Variants in ATP11A observed in about 807,000 individuals in gnomAD.
ATP11A encodes ATPase phospholipid transporting 11A.
ATP11A carries 81 observed loss-of-function variants against 154.4 expected under a neutral mutation model. That is an observed-to-expected ratio of 0.52 (90% CI 0.44 to 0.63). The LOEUF (loss-of-function observed/expected upper bound fraction) is 0.63, where lower values mean the gene tolerates loss of function less well. Ranked by LOEUF, ATP11A falls within the 30% of genes least tolerant of loss-of-function variation. The pLI, the probability that ATP11A is intolerant of heterozygous loss-of-function variation, is 0.00. For synonymous variants in ATP11A, 623 were observed against 585.9 expected (o/e 1.06, Z -0.91); for missense variants, 1,316 against 1,474.3 (o/e 0.89, Z 1.76).
At chr13:112,832,635 G>A (rs773080544) in intron 13 of ATP11A, among the ~76,000 whole-genome samples, 7 of 152,202 alleles carry the variant, frequency 4.6e-5, no homozygotes, top group East Asian at 3.9e-4. Flanking sequence ...ACGCACGCCC[G>A]TTTAGCCTTC....
rs1375302746 is a variant in ATP11A at position 112,865,194 on chromosome 13, G to A, written c.2991+2619G>A. On this transcript the variant is annotated intron_variant, in intron 25 of 29. Transcript: ENST00000375645. ...CCCAGCGGGGTCCATCACCACCTGC[G>A]CAGTAATTCAGTGCAGCACGTGCAG... Among the ~76,000 whole-genome samples the A allele has an allele frequency of 1.4e-4, 14 of 102,228 alleles. 1 individual carries two copies. The highest frequency in any genetic ancestry group is 5.0e-4 in the African/African-American group (13 of 25,884). 67.1% of individuals were successfully genotyped at this position (102,228 alleles called of 152,430 possible). A position where few individuals can be genotyped will look rare whatever the true frequency, so the allele number is the denominator to read the frequency against.
intron 5 of ATP11A, among the ~76,000 whole-genome samples, chr13:112,813,345 A>G (rs2078556510): frequency 6.6e-6 from 1 of 152,218 alleles, no homozygotes; most frequent in Admixed American, 6.5e-5. Context: ...TCTCAAGGAT[A>G]TGATATAAAG....
intron 1 of ATP11A, among the ~76,000 whole-genome samples, chr13:112,744,446 A>C (rs1248019810): frequency 2.6e-5 from 4 of 152,226 alleles, no homozygotes; most frequent in African/African-American, 7.2e-5. Context: ...TGGCGATTTC[A>C]GGGATGCTTA....
At chr13:112,818,325 G>A (rs1481543205) in intron 6 of ATP11A, among the ~76,000 whole-genome samples, 1 of 151,432 alleles carries the variant, frequency 6.6e-6, no homozygotes, top group Non-Finnish European at 1.5e-5. Context: ...TGACGGGGCG[G>A]TGACCGTTGG....
At chr13:112,751,714 T>C (rs2076696087) in intron 1 of ATP11A, among the ~76,000 whole-genome samples, 1 of 149,484 alleles carries the variant, frequency 6.7e-6, no homozygotes. Context: ...TTGACTGATA[T>C]GCATACTGCA....
intron 25 of ATP11A, among the ~76,000 whole-genome samples, chr13:112,864,493 G>A (rs1382789403): frequency 5.9e-5 from 5 of 84,990 alleles, no homozygotes; most frequent in African/African-American, 1.8e-4. Context: ...CACATGCACA[G>A]TAATTCAGTG....
chr13:112,816,128 G>A lies in ATP11A; in HGVS notation c.487G>A (p.Asp163Asn). Residue 163 changes from aspartate (D) to asparagine (N), a missense_variant, in exon 6 of 30, where the codon GAC becomes AAC. Physicochemically the swap from Asp to Asn is conservative, Grantham distance 23 (BLOSUM62 1). Around this residue, in one of 5 missense-constraint regions of ATP11A, gnomAD observed 876 missense variants for 1,006.8 expected, o/e 0.87. Transcript: ENST00000375645. ...TAAGGAGGACGAGACCTTTCCCTGC[G>A]ACTTGATCTTCCTTTCCAGCAACCG... ...MVKEDETFPCDLIFLSSNRGD... is the reference protein window; with the variant it reads ...MVKEDETFPCNLIFLSSNRGD... 3 of 1,614,140 alleles carry A rather than the reference G, an allele frequency of 1.9e-6. No homozygotes were observed. Among genetic ancestry groups the A allele is most frequent in the Non-Finnish European group, 2.5e-6 (3 of 1,180,034 alleles).
chr13:112,733,145 A>G (rs188411144), intron 1 of ATP11A, among the ~76,000 whole-genome samples: 1 of 152,370 alleles, frequency 6.6e-6, no homozygotes, highest in East Asian at 1.9e-4. Flanking sequence ...GGCAAACACT[A>G]TTAATATTTA....
chr13:112,861,034 G>A (rs2080086803), intron 24 of ATP11A, among the ~76,000 whole-genome samples: 1 of 152,190 alleles, frequency 6.6e-6, no homozygotes, highest in Admixed American at 6.5e-5. Flanking sequence ...CATGGCTGGG[G>A]AGGCCTCACA....
At position 112,864,775 on chromosome 13, in the gene ATP11A, G is replaced by A. The variant is rs9603972; in HGVS notation, c.2991+2200G>A. Among the ~76,000 whole-genome samples, 733 of 34,338 alleles carry A rather than the reference G, an allele frequency of 0.021. 230 individuals carry two copies. The African/African-American group carries it at 0.27, about 13-fold the overall frequency. 22.5% of individuals were successfully genotyped at this position (34,338 alleles called of 152,430 possible). ...CACCACCTGCACAGTAATTCAGTGC[G>A]GCCCATGCAGCTTCTCAGCGGGGTC... On this transcript the variant is annotated intron_variant, in intron 25 of 29. Transcript: ENST00000375645.
At chr13:112,781,663 C>T (rs919953581) in intron 1 of ATP11A, among the ~76,000 whole-genome samples, 13 of 151,532 alleles carry the variant, frequency 8.6e-5, no homozygotes, top group South Asian at 2.1e-4. Context: ...AGCGTGTTTT[C>T]GGCTCTGTTC....
chr13:112,851,034 C>T lies in ATP11A; in HGVS notation c.1810-3C>T, dbSNP rs777510078. 3.1e-6 allele frequency: 5 copies of T among 1,613,178 alleles called. No homozygotes were observed. Among genetic ancestry groups the T allele is most frequent in the Non-Finnish European group, 4.2e-6 (5 of 1,179,288 alleles). ...GTGCTAAACGCTGCATTGTGTTCTG[C>T]AGGAGGGGCTCCGAACTTTGTGTGT... On this transcript the variant is annotated splice_region_variant and splice_polypyrimidine_tract_variant and intron_variant, in intron 17 of 29. Transcript: ENST00000375645.
rs111923546 is a variant in ATP11A at position 112,731,420 on chromosome 13, T to TCATTCCCACTC, written c.39+40974_39+40984dup. Among the ~76,000 whole-genome samples, 924 of 152,306 alleles carry TCATTCCCACTC rather than the reference T, an allele frequency of 6.1e-3. 6 individuals carry two copies. Among genetic ancestry groups the TCATTCCCACTC allele is most frequent in the African/African-American group, 0.021 (890 of 41,556 alleles). On this transcript the variant is annotated intron_variant, in intron 1 of 29. Coordinates refer to ENST00000375645, the MANE Select transcript of ATP11A (RefSeq NM_015205.3). Reference sequence around the variant, plus strand: ...TCCCTTGATGACTGCGCCACACACTTCATTCCCACTCCATTCCCAGCCAGG... The same window carrying TCATTCCCACTC: ...TCCCTTGATGACTGCGCCACACACTTCATTCCCACTCCATTCCCACTCCATTCCCAGCCAGG...
chr13:112,835,991 G>A (rs539877521), intron 15 of ATP11A, among the ~76,000 whole-genome samples, 187 bp from the exon 16 acceptor site: 20 of 152,296 alleles, frequency 1.3e-4, no homozygotes, highest in Middle Eastern at 6.8e-3. Flanking sequence ...CACCTGCTGC[G>A]TCCTTCAAAT....
Position 112,851,325 on chromosome 13 carries a change from G to A in ATP11A, c.1991+107G>A, listed in dbSNP as rs541581156. 1.5e-5 allele frequency: 17 copies of A among 1,103,360 alleles called. 1 individual carries two copies. The highest frequency in any genetic ancestry group is 7.3e-5 in the East Asian group (3 of 41,210). 68.3% of individuals were successfully genotyped at this position (1,103,360 alleles called of 1,614,324 possible). On this transcript the variant is annotated intron_variant, in intron 18 of 29. Transcript: ENST00000375645. ...CGGGAGGGAGGCCATCCGCACAGCCGACGGGGCGTGTTTGCTGCTCAGGGA... is the reference window on the plus strand; with the variant it reads ...CGGGAGGGAGGCCATCCGCACAGCCAACGGGGCGTGTTTGCTGCTCAGGGA...
chr13:112,814,439 A>T (rs569990728), intron 5 of ATP11A, among the ~76,000 whole-genome samples: 1 of 152,244 alleles, frequency 6.6e-6, no homozygotes, highest in South Asian at 2.1e-4. Flanking sequence ...CTAGACCCAA[A>T]GACTTTCTCC....
chr13:112,696,703 C>G lies in ATP11A; in HGVS notation c.39+6248C>G, dbSNP rs1390218356. 1 of 152,308 alleles carries G rather than the reference C, an allele frequency of 6.6e-6. No homozygotes were observed. Among genetic ancestry groups the G allele is most frequent in the Non-Finnish European group, 1.5e-5 (1 of 68,116 alleles). The allele number at this position is 152,308 out of a possible 1,614,324, so 9.4% of individuals were successfully genotyped here. A position where few individuals can be genotyped will look rare whatever the true frequency, so the allele number is the denominator to read the frequency against. ...GCGGGGGGTTCCCTTACCAAGGTCT[C>G]CATCACCCCCAGGCCCACCTCCCTC... On this transcript the variant is annotated intron_variant, in intron 1 of 29. Coordinates refer to ENST00000375645, the MANE Select transcript of ATP11A (RefSeq NM_015205.3). The surrounding 1 kb of genome is among the most constrained non-coding windows in gnomAD (Gnocchi z 6.2).
At chr13:112,733,834 G>A (rs982690629) in intron 1 of ATP11A, among the ~76,000 whole-genome samples, 1 of 152,192 alleles carries the variant, frequency 6.6e-6, no homozygotes, top group Non-Finnish European at 1.5e-5. Flanking sequence ...CATTGTCCAA[G>A]TCAGTGGACA....
rs529987545 is a variant in ATP11A at position 112,706,812 on chromosome 13, C to T, written c.39+16357C>T. Among the ~76,000 whole-genome samples the T allele has an allele frequency of 2.6e-5, 4 of 152,216 alleles. No individual in the cohort carries two copies. In the South Asian group the frequency reaches 8.3e-4, roughly 32 times the overall value. ...TATTAGGTTGGTGCAAATGTATTTG[C>T]GGTTTTTGCATTGTTGAAATTTGCT... On this transcript the variant is annotated intron_variant, in intron 1 of 29. Coordinates refer to ENST00000375645, the MANE Select transcript of ATP11A (RefSeq NM_015205.3).
Sources: allele counts gnomAD v4.1 joint callset (sites outside exome capture counted in the v4.1 genomes callset), GRCh38; gene constraint gnomAD v4.1.1; regional missense constraint gnomAD v4.1.1; non-coding constraint Gnocchi (gnomAD v3.1); transcripts MANE v1.5; gene names NCBI Gene and HGNC (gene_info 2026-07-23, HGNC 2026-07-21).